SNTG2: variants seen among roughly 807,000 people sequenced by gnomAD.
The protein encoded by SNTG2 is gamma-2-syntrophin.
In SNTG2, 74 loss-of-function variants were observed where a neutral mutation model predicts 70.9. The ratio of observed to expected loss-of-function variants is 1.04; its 90% CI spans 0.86 to 1.27. The LOEUF (loss-of-function observed/expected upper bound fraction) is 1.27, where lower values mean the gene tolerates loss of function less well. Ranked by LOEUF, SNTG2 falls within the 50% of genes most tolerant of loss-of-function variation. SNTG2 has a pLI of 0.00. For synonymous variants in SNTG2, 278 were observed against 273.8 expected, an observed-to-expected ratio of 1.02 and a Z score of -0.15; for missense variants, 717 against 690.7, an observed-to-expected ratio of 1.04 and a Z score of -0.43.
chr2:1,119,429 A>G (rs577489318), intron 4 of SNTG2, among the ~76,000 whole-genome samples: 70 of 152,308 alleles, frequency 4.6e-4, no homozygotes, highest in African/African-American at 1.6e-3. Context: ...TGTCTCCAGT[A>G]TGAAGGTAAA....
chr2:1,082,031 T>C (rs957482601), intron 1 of SNTG2, among the ~76,000 whole-genome samples: 5 of 152,094 alleles, frequency 3.3e-5, no homozygotes, highest in Admixed American at 6.6e-5. Flanking sequence ...AGGAAACCAC[T>C]TGGAACCCTC....
chr2:1,225,760 T>A (rs749685081), intron 9 of SNTG2, among the ~76,000 whole-genome samples: 2 of 152,190 alleles, frequency 1.3e-5, no homozygotes, highest in Non-Finnish European at 1.5e-5. Context: ...TTCCCAGGGA[T>A]CTGAATGAAG....
At chr2:1,154,855 T>C (rs1261401189) in intron 6 of SNTG2, among the ~76,000 whole-genome samples, 2 of 150,092 alleles carry the variant, frequency 1.3e-5, no homozygotes, top group African/African-American at 4.9e-5. Flanking sequence ...AAACAACACA[T>C]AGACATGCAC....
At chr2:1,362,361 A>G (rs371199259) in intron 16 of SNTG2, among the ~76,000 whole-genome samples, 52 of 132,808 alleles carry the variant, frequency 3.9e-4, no homozygotes, top group African/African-American at 7.0e-4. Flanking sequence ...GAGCATTTCA[A>G]TAGAACTTCT....
At chr2:1,358,060 C>CT (rs537326118) in intron 16 of SNTG2, among the ~76,000 whole-genome samples, 1 of 152,056 alleles carries the variant, frequency 6.6e-6, no homozygotes, top group South Asian at 2.1e-4. Flanking sequence ...CAGATGTTCA[C>CT]TTTTTTTCTG....
Position 1,267,636 on chromosome 2 carries a change from G to A in SNTG2, c.1284+65G>A. ...CGGGTGTCTGAGACATAGCATTGGG[G>A]AATATGTAGCAGTTTATCGGGGGAA... On this transcript the variant is annotated intron_variant, in intron 14 of 16. Transcript: ENST00000308624. 2.2e-6 allele frequency: 3 copies of A among 1,387,430 alleles called. No homozygotes were observed. In the South Asian group the frequency reaches 3.6e-5, roughly 17 times the overall value. 85.9% of individuals were successfully genotyped at this position (1,387,430 alleles called of 1,614,324 possible). A position where few individuals can be genotyped will look rare whatever the true frequency, so the allele number is the denominator to read the frequency against.
chr2:979,965 T>C (rs1003771417), intron 1 of SNTG2, among the ~76,000 whole-genome samples: 6 of 152,190 alleles, frequency 3.9e-5, no homozygotes, highest in African/African-American at 1.4e-4. Flanking sequence ...ATTAAGTATA[T>C]AAAAACAAAC....
At chr2:1,306,195 C>T (rs998945408) in intron 14 of SNTG2, among the ~76,000 whole-genome samples, 2 of 152,134 alleles carry the variant, frequency 1.3e-5, no homozygotes, top group African/African-American at 2.4e-5. Flanking sequence ...GATCTGCTCT[C>T]GGACTCTCAT....
intron 4 of SNTG2, among the ~76,000 whole-genome samples, chr2:1,124,379 C>T (rs55653476): frequency 0.033 from 4,944 of 151,462 alleles, 266 homozygotes; most frequent in African/African-American, 0.11. Context: ...ACTACAAGCT[C>T]TGCTTCCCAG....
intron 16 of SNTG2, among the ~76,000 whole-genome samples, chr2:1,350,829 T>A (rs538671010): frequency 1.3e-5 from 2 of 152,172 alleles, no homozygotes; most frequent in Admixed American, 6.5e-5. Flanking sequence ...TGACTAGCCT[T>A]ACGAAAGCAA....
intron 16 of SNTG2, among the ~76,000 whole-genome samples, chr2:1,321,042 G>T (rs1317062571): frequency 6.6e-6 from 1 of 152,184 alleles, no homozygotes; most frequent in African/African-American, 2.4e-5. Flanking sequence ...AATGAAGAAG[G>T]AGCAAATTAT....
chr2:1,130,654 A>G (rs1290748635), intron 4 of SNTG2, among the ~76,000 whole-genome samples: 1 of 152,218 alleles, frequency 6.6e-6, no homozygotes, highest in Non-Finnish European at 1.5e-5. Flanking sequence ...TTCCAGGTCC[A>G]CATTTTTGGA....
In SNTG2 at chr2:1,182,223, T is replaced by G. The variant is rs190770096; in HGVS notation, c.591+9040T>G. 2.8e-3 allele frequency among the ~76,000 whole-genome samples: 428 copies of G among 152,306 alleles called. 2 individuals are homozygous for G. Among genetic ancestry groups the G allele is most frequent in the Non-Finnish European group, 4.7e-3 (317 of 68,030 alleles). On this transcript the variant is annotated intron_variant, in intron 8 of 16. Coordinates refer to ENST00000308624, the MANE Select transcript of SNTG2 (RefSeq NM_018968.4). ...AAAGTGCTCACCTGTGGCTTCTGCT[T>G]TAGCTCTGCCCCTGCAAGTCTAATG...
At chr2:1,154,029 T>C (rs1047224410) in intron 6 of SNTG2, among the ~76,000 whole-genome samples, 4 of 152,230 alleles carry the variant, frequency 2.6e-5, no homozygotes, top group Non-Finnish European at 4.4e-5. Flanking sequence ...AACAGAATGT[T>C]ACTTATATAA....
chr2:1,293,739 A>G (rs1386476252), intron 14 of SNTG2, among the ~76,000 whole-genome samples: 1 of 152,174 alleles, frequency 6.6e-6, no homozygotes, highest in Admixed American at 6.5e-5. Flanking sequence ...ATCTTTTAAC[A>G]TTTTTTAAGG....
chr2:1,082,080 T>C (rs1664358727), intron 1 of SNTG2, among the ~76,000 whole-genome samples: 1 of 152,064 alleles, frequency 6.6e-6, no homozygotes, highest in South Asian at 2.1e-4. Context: ...CTGAGGATGT[T>C]GGGAGGAGCA....
At chr2:1,081,050 C>A (rs1464750399) in intron 1 of SNTG2, among the ~76,000 whole-genome samples, 1 of 152,092 alleles carries the variant, frequency 6.6e-6, no homozygotes, top group African/African-American at 2.4e-5. Flanking sequence ...GACCTGGGAC[C>A]TCTCCCAAGC....
intron 1 of SNTG2, among the ~76,000 whole-genome samples, chr2:1,064,465 TTA>T (rs1370020001): frequency 6.6e-6 from 1 of 150,878 alleles, no homozygotes; most frequent in African/African-American, 2.4e-5. Context: ...AATTTTAAGT[TTA>T]TATATATAAA....
intron 1 of SNTG2, among the ~76,000 whole-genome samples, chr2:996,364 C>T (rs941394103): frequency 3.3e-5 from 5 of 152,114 alleles, no homozygotes; most frequent in Admixed American, 2.6e-4. Flanking sequence ...TCTAATTCAA[C>T]AGAATTCCTA....
Sources: allele counts gnomAD v4.1 joint callset (sites outside exome capture counted in the v4.1 genomes callset), GRCh38; gene constraint gnomAD v4.1.1; transcripts MANE v1.5; gene names NCBI Gene and HGNC (gene_info 2026-07-23, HGNC 2026-07-21).